The following AGMO variants were observed in gnomAD, a reference collection of about 807,000 sequenced individuals.
The protein encoded by AGMO is alkylglycerol monooxygenase, also known as glyceryl-ether monooxygenase.
A neutral mutation model predicts 60.2 loss-of-function variants in AGMO; 75 were observed. The ratio of observed to expected loss-of-function variants is 1.25; its 90% CI spans 1.03 to 1.51. The LOEUF (loss-of-function observed/expected upper bound fraction) is 1.51, where lower values mean the gene tolerates loss of function less well. AGMO is among the 40% of genes most tolerant of loss of function. The pLI is 0.00. For synonymous variants in AGMO, 261 were observed against 177.1 expected (o/e 1.47, Z -3.76); for missense variants, 763 against 525.5 (o/e 1.45, Z -4.42).
At chr7:15,517,819 A>G (rs1423486711) in intron 3 of AGMO, among the ~76,000 whole-genome samples, 1 of 152,040 alleles carries the variant, frequency 6.6e-6, no homozygotes, top group African/African-American at 2.4e-5. Context: ...CCAGTGAGAC[A>G]GAACTGCTCA....
chr7:15,533,961 A>G (rs1784426974), intron 3 of AGMO, among the ~76,000 whole-genome samples: 8 of 152,104 alleles, frequency 5.3e-5, no homozygotes, highest in Admixed American at 5.2e-4. Flanking sequence ...GGGGTATTTT[A>G]TTACCAAGAT....
At chr7:15,427,037 G>A (rs1165388276) in intron 4 of AGMO, among the ~76,000 whole-genome samples, 1 of 152,056 alleles carries the variant, frequency 6.6e-6, no homozygotes, top group East Asian at 1.9e-4. Context: ...GGTCTGAAAA[G>A]GAAACAGTGG....
At chr7:15,373,708 T>G (rs1016074619) in intron 10 of AGMO, among the ~76,000 whole-genome samples, 33 of 152,326 alleles carry the variant, frequency 2.2e-4, no homozygotes, top group African/African-American at 7.5e-4. Context: ...AAAATTCTTT[T>G]TTTAAACTTT....
intron 12 of AGMO, among the ~76,000 whole-genome samples, chr7:15,294,497 TTTCAACAA>T (rs144764304): frequency 0.043 from 6,502 of 151,812 alleles, 466 homozygotes; most frequent in African/African-American, 0.15. Context: ...AAAACCTCAA[TTTCAACAA>T]CAAAAATACA....
intron 12 of AGMO, among the ~76,000 whole-genome samples, chr7:15,321,954 G>A (rs1344415847): frequency 2.0e-5 from 3 of 151,810 alleles, no homozygotes; most frequent in Non-Finnish European, 4.4e-5. Context: ...CTGGGTTTTT[G>A]AGAATTATAA....
At position 15,385,541 on chromosome 7, in the gene AGMO, A is replaced by C. The variant is rs533162418; in HGVS notation, c.979T>G (p.Phe327Val). 1 of 1,612,292 alleles carries C rather than the reference A, an allele frequency of 6.2e-7. No homozygotes were observed. Among genetic ancestry groups the C allele is most frequent in the African/African-American group, 1.3e-5 (1 of 75,006 alleles). ...AATAGCTGAGATGAAGATGATGAGAAGGGAACTTCTTTGCCGGTGACCTAG... is the reference window on the plus strand; with the variant it reads ...AATAGCTGAGATGAAGATGATGAGACGGGAACTTCTTTGCCGGTGACCTAG... Reference protein sequence around the residue: ...IPEVTGKEVPFSSSSSQLLKI... With the variant: ...IPEVTGKEVPVSSSSSQLLKI... Residue 327 changes from phenylalanine (F) to valine (V), a missense_variant, in exon 10 of 13, where the codon TTC becomes GTC. Physicochemically the swap from Phe to Val is conservative, Grantham distance 50. Coordinates refer to ENST00000342526, the MANE Select transcript of AGMO (RefSeq NM_001004320.2).
intron 3 of AGMO, among the ~76,000 whole-genome samples, chr7:15,499,266 G>GT (rs1562538179): frequency 1.3e-5 from 2 of 151,754 alleles, no homozygotes. Flanking sequence ...CAATAAAGAT[G>GT]TTTTTTTAAA....
the AGMO span, among the ~76,000 whole-genome samples, chr7:15,176,123 T>C: frequency 6.6e-6 from 1 of 152,066 alleles, no homozygotes; most frequent in East Asian, 1.9e-4. Flanking sequence ...CGTTTTCCTA[T>C]TTTTATGCTT....
chr7:15,287,708 C>T (rs1375624921), intron 12 of AGMO, among the ~76,000 whole-genome samples: 1 of 152,024 alleles, frequency 6.6e-6, no homozygotes. Flanking sequence ...CAGAACTTTT[C>T]GAAATAATTT....
chr7:15,348,933 A>C (rs1782131346), intron 12 of AGMO, among the ~76,000 whole-genome samples: 2 of 152,150 alleles, frequency 1.3e-5, no homozygotes, highest in South Asian at 4.1e-4. Flanking sequence ...AGAACCTCAA[A>C]GTTCTTCTAA....
chr7:15,416,971 G>A (rs192289183), intron 5 of AGMO, among the ~76,000 whole-genome samples: 4 of 152,104 alleles, frequency 2.6e-5, no homozygotes, highest in East Asian at 1.9e-4. Context: ...CAATCTCTTC[G>A]CTCTCCATCC....
chr7:15,432,058 T>G (rs1781257262), intron 3 of AGMO, among the ~76,000 whole-genome samples: 1 of 151,698 alleles, frequency 6.6e-6, no homozygotes, highest in African/African-American at 2.4e-5. Context: ...TGTTCTTAGC[T>G]AAAGTAACTT....
At chr7:15,525,018 G>C (rs1784087221) in intron 3 of AGMO, among the ~76,000 whole-genome samples, 1 of 152,012 alleles carries the variant, frequency 6.6e-6, no homozygotes, top group South Asian at 2.1e-4. Context: ...ATCTCTTCTT[G>C]GTCAAGGGGA....
intron 5 of AGMO, 122 bp from the exon 6 acceptor site, chr7:15,394,301 A>G (rs1041709340): frequency 1.3e-6 from 1 of 749,668 alleles, no homozygotes; most frequent in African/African-American, 1.8e-5. Context: ...GGTTGGTATC[A>G]GAGAGTGGAA....
intron 3 of AGMO, among the ~76,000 whole-genome samples, chr7:15,487,287 T>TA (rs1194709848): frequency 6.6e-6 from 1 of 152,102 alleles, no homozygotes; most frequent in African/African-American, 2.4e-5. Flanking sequence ...TAATAAGACT[T>TA]ACAGTCTTGT....
chr7:15,480,017 T>C (rs1316555392), intron 3 of AGMO, among the ~76,000 whole-genome samples: 1 of 152,132 alleles, frequency 6.6e-6, no homozygotes, highest in Non-Finnish European at 1.5e-5. Context: ...CTCTGCTTTG[T>C]TGTGGCAACA....
intron 4 of AGMO, among the ~76,000 whole-genome samples, chr7:15,422,522 A>T (rs1780953938): frequency 6.6e-6 from 1 of 152,186 alleles, no homozygotes; most frequent in African/African-American, 2.4e-5. Flanking sequence ...TTGAAAATGT[A>T]TGAACAGGGA....
At chr7:15,203,919 T>C (rs1781373316) in intron 12 of AGMO, among the ~76,000 whole-genome samples, 1 of 152,194 alleles carries the variant, frequency 6.6e-6, no homozygotes, top group Admixed American at 6.6e-5. Flanking sequence ...CTAGTTATTT[T>C]TCTTCTTGTG....
intron 1 of AGMO, among the ~76,000 whole-genome samples, chr7:15,560,853 G>T (rs941304209): frequency 1.3e-5 from 2 of 152,252 alleles, no homozygotes; most frequent in African/African-American, 4.8e-5. Flanking sequence ...TGTTTTGAAA[G>T]CTCCACTATT....
Sources: gnomAD v4.1 joint callset for allele counts (sites outside exome capture counted in the v4.1 genomes callset) on GRCh38, gnomAD v4.1.1 for gene constraint, MANE v1.5 for transcripts, NCBI Gene and HGNC (gene_info 2026-07-23, HGNC 2026-07-21) for gene names.